The following SRGAP1 variants were observed in gnomAD, a reference collection of about 807,000 sequenced individuals.
SRGAP1 encodes the protein SLIT-ROBO Rho GTPase activating protein 1, also known as SLIT-ROBO Rho GTPase-activating protein 1.
A neutral mutation model predicts 121.9 loss-of-function variants in SRGAP1; 43 were observed. That is an observed-to-expected ratio of 0.35 (90% CI 0.28 to 0.46). The LOEUF is 0.46. Ranked by LOEUF, SRGAP1 falls within the 20% of genes least tolerant of loss-of-function variation. SRGAP1 has a pLI of 1.00. For synonymous variants in SRGAP1, 447 were observed against 485.4 expected, an observed-to-expected ratio of 0.92 and a Z score of 1.04; for missense variants, 1,102 against 1,350.9, an observed-to-expected ratio of 0.82 and a Z score of 2.89.
intron 16 of SRGAP1, among the ~76,000 whole-genome samples, 197 bp from the exon 17 acceptor site, chr12:64,111,565 T>C (rs910147640): frequency 1.3e-5 from 2 of 152,310 alleles, no homozygotes. Context: ...GCTACTTAGT[T>C]AAGCAAATAG....
Position 63,986,427 on chromosome 12 carries a change from A to ATT in SRGAP1, c.263+2298_263+2299dup, listed in dbSNP as rs112213433. ...AGACAGCCCATTCATCTATTCAGTA[A>ATT]TTTTTTTTTTTTTTGAGATGGAGTT... On this transcript the variant is annotated intron_variant, in intron 2 of 21. Coordinates refer to ENST00000355086, the MANE Select transcript of SRGAP1 (RefSeq NM_020762.4). 9.9e-3 allele frequency among the ~76,000 whole-genome samples: 1,440 copies of ATT among 144,870 alleles called. 23 individuals are homozygous for ATT. The highest frequency in any genetic ancestry group is 0.034 in the African/African-American group (1,356 of 39,792).
intron 1 of SRGAP1, among the ~76,000 whole-genome samples, chr12:63,870,858 A>G (rs968270971): frequency 4.6e-4 from 70 of 152,304 alleles, no homozygotes; most frequent in African/African-American, 1.7e-3. Flanking sequence ...TAGGGATTAT[A>G]GGAGTGAGCC....
intron 18 of SRGAP1, among the ~76,000 whole-genome samples, chr12:64,118,673 A>T (rs1288459918): frequency 1.3e-5 from 2 of 152,112 alleles, no homozygotes; most frequent in Non-Finnish European, 2.9e-5. Flanking sequence ...GCATTTTAAA[A>T]TATACCTGTT....
chr12:63,928,139 C>A (rs1230593847), intron 1 of SRGAP1, among the ~76,000 whole-genome samples: 1 of 152,108 alleles, frequency 6.6e-6, no homozygotes, highest in African/African-American at 2.4e-5. Context: ...TTATCAAATT[C>A]TATACTTCAC....
chr12:63,862,996 G>A (rs1010254440), intron 1 of SRGAP1, among the ~76,000 whole-genome samples: 1 of 152,094 alleles, frequency 6.6e-6, no homozygotes, highest in Non-Finnish European at 1.5e-5. Context: ...ACTAGAAAAG[G>A]CGAGGAATGT....
chr12:63,922,635 C>T (rs900661377), intron 1 of SRGAP1, among the ~76,000 whole-genome samples: 2 of 152,212 alleles, frequency 1.3e-5, no homozygotes, highest in Non-Finnish European at 1.5e-5. Context: ...TCCAGCCATA[C>T]CAAATTGCTT....
At chr12:63,970,272 A>G (rs1319998806) in intron 1 of SRGAP1, among the ~76,000 whole-genome samples, 1 of 152,162 alleles carries the variant, frequency 6.6e-6, no homozygotes, top group Non-Finnish European at 1.5e-5. Flanking sequence ...GGGGATTTGG[A>G]TGAAGGAGGA....
Position 64,147,178 on chromosome 12 carries a change from T to G in SRGAP1, c.*4506T>G. ...TACTGAAGGGTAACTGCTGCCCGCG[T>G]AATTAAATCAGTATTGTCCTTTCCT... On this transcript the variant is annotated 3_prime_UTR_variant, in exon 22 of 22. Coordinates refer to ENST00000355086, the MANE Select transcript of SRGAP1 (RefSeq NM_020762.4). 1 of 262,084 alleles carries G rather than the reference T, an allele frequency of 3.8e-6. No individual in the cohort carries two copies. Among genetic ancestry groups the G allele is most frequent in the East Asian group, 6.8e-5 (1 of 14,728 alleles). The allele number at this position is 262,084 out of a possible 1,614,324, so 16.2% of individuals were successfully genotyped here. A position where few individuals can be genotyped will look rare whatever the true frequency, so the allele number is the denominator to read the frequency against.
At position 63,984,065 on chromosome 12, in the gene SRGAP1, A is replaced by C; in HGVS notation, c.186A>C (p.Glu62Asp). The C allele has an allele frequency of 6.4e-7, 1 of 1,555,662 alleles. No individual in the cohort carries two copies. Among genetic ancestry groups the C allele is most frequent in the Non-Finnish European group, 8.7e-7 (1 of 1,144,096 alleles). Residue 62 changes from glutamate to aspartate, a missense_variant, in exon 2 of 22, where the codon GAA (glutamate) becomes GAC (aspartate). By Grantham distance (45) the Glu-to-Asp change is conservative. Transcript: ENST00000355086. Reference sequence around the variant, plus strand: ...GAAAAAAAGCTGAAATTGAGACGGAATATTCCCGGAATCTAGAGAAGTTAG... The same window carrying C: ...GAAAAAAAGCTGAAATTGAGACGGACTATTCCCGGAATCTAGAGAAGTTAG... Reference protein sequence around the residue: ...FFRKKAEIETEYSRNLEKLAE... With the variant: ...FFRKKAEIETDYSRNLEKLAE...
At position 64,159,423 on chromosome 12, in the gene SRGAP1, C is replaced by CA. The variant is rs1481793656; in HGVS notation, c.*16751_*16752insA. The CA allele has an allele frequency of 6.4e-6, 1 of 155,500 alleles. No individual in the cohort carries two copies. Among genetic ancestry groups the CA allele is most frequent in the East Asian group, 1.9e-4 (1 of 5,312 alleles). 9.6% of individuals were successfully genotyped at this position (155,500 alleles called of 1,614,324 possible). A position where few individuals can be genotyped will look rare whatever the true frequency, so the allele number is the denominator to read the frequency against. ...GAGGTTGCAGTGAGCCAAGATTGCACCATTGCACTCCAACCTGGGCAACAA... is the reference window on the plus strand; with the variant it reads ...GAGGTTGCAGTGAGCCAAGATTGCACACATTGCACTCCAACCTGGGCAACAA... On this transcript the variant is annotated 3_prime_UTR_variant, in exon 22 of 22. Coordinates refer to ENST00000355086, the MANE Select transcript of SRGAP1 (RefSeq NM_020762.4).
chr12:63,866,406 G>A (rs556652520), intron 1 of SRGAP1, among the ~76,000 whole-genome samples: 13 of 152,256 alleles, frequency 8.5e-5, no homozygotes, highest in Admixed American at 8.5e-4. Flanking sequence ...AATATCACTC[G>A]AATCTGCTTT....
intron 6 of SRGAP1, among the ~76,000 whole-genome samples, chr12:64,045,773 G>C (rs540464794): frequency 6.6e-6 from 1 of 152,028 alleles, no homozygotes; most frequent in Non-Finnish European, 1.5e-5. Flanking sequence ...AAAACTCTCC[G>C]TGTATAGAAA....
At chr12:64,140,665 C>G (rs1433652740) in intron 21 of SRGAP1, among the ~76,000 whole-genome samples, 1 of 140,994 alleles carries the variant, frequency 7.1e-6, no homozygotes, top group African/African-American at 2.7e-5. Context: ...CACTTTTACA[C>G]TGTTGGTGGG....
intron 8 of SRGAP1, among the ~76,000 whole-genome samples, chr12:64,075,930 A>C (rs1286921120): frequency 6.6e-6 from 1 of 152,132 alleles, no homozygotes; most frequent in Non-Finnish European, 1.5e-5. Flanking sequence ...AAAAAAAAAA[A>C]AAAGTAATTG....
chr12:63,918,512 G>A (rs1430671990), intron 1 of SRGAP1, among the ~76,000 whole-genome samples: 2 of 152,070 alleles, frequency 1.3e-5, no homozygotes, highest in African/African-American at 4.8e-5. Flanking sequence ...TGCCTCCCAG[G>A]CTCAAGTGAC....
rs774130114 is a variant in SRGAP1 at position 64,091,251 on chromosome 12, C to T, written c.1437-25C>T. The T allele has an allele frequency of 1.3e-5, 19 of 1,489,578 alleles. No homozygotes were observed. In the South Asian group the frequency reaches 2.3e-4, roughly 18 times the overall value. The allele number at this position is 1,489,578 out of a possible 1,614,324, so 92.3% of individuals were successfully genotyped here. Reference sequence around the variant, plus strand: ...TTTATTGTTTGATTTCTGCCATGCTCAGTAATTATATTCCCTTCCCTTAGG... The same window carrying T: ...TTTATTGTTTGATTTCTGCCATGCTTAGTAATTATATTCCCTTCCCTTAGG... On this transcript the variant is annotated intron_variant, in intron 11 of 21. Coordinates refer to ENST00000355086, the MANE Select transcript of SRGAP1 (RefSeq NM_020762.4).
At chr12:64,092,158 A>G (rs1278924956) in intron 12 of SRGAP1, among the ~76,000 whole-genome samples, 4 of 152,230 alleles carry the variant, frequency 2.6e-5, no homozygotes, top group Non-Finnish European at 5.9e-5. Flanking sequence ...TGGCAAATGT[A>G]TCAAGTTTGA....
intron 1 of SRGAP1, among the ~76,000 whole-genome samples, chr12:63,980,814 G>A (rs553479856): frequency 4.0e-5 from 6 of 151,862 alleles, no homozygotes; most frequent in East Asian, 1.9e-4. Flanking sequence ...GGCTGGTCTC[G>A]AACTCCTGAC....
intron 1 of SRGAP1, among the ~76,000 whole-genome samples, chr12:63,867,999 A>T (rs560029825): frequency 2.2e-5 from 3 of 138,404 alleles, no homozygotes; most frequent in South Asian, 2.3e-4. Flanking sequence ...TTACATCATC[A>T]TTAAGAGAAT....
Sources: gnomAD v4.1 joint callset for allele counts (sites outside exome capture counted in the v4.1 genomes callset) on GRCh38, gnomAD v4.1.1 for gene constraint, MANE v1.5 for transcripts, NCBI Gene and HGNC (gene_info 2026-07-23, HGNC 2026-07-21) for gene names.